The following FYB2 variants were observed in gnomAD, a reference collection of about 807,000 sequenced individuals.
FYB2 encodes the protein FYN binding protein 2.
A neutral mutation model predicts 94.1 loss-of-function variants in FYB2; 103 were observed. That is an observed-to-expected ratio of 1.09 (90% CI 0.93 to 1.29). The LOEUF is 1.29. Ranked by LOEUF, FYB2 falls within the 50% of genes most tolerant of loss-of-function variation. FYB2 has a pLI of 0.00. For synonymous variants in FYB2, 293 were observed against 287.9 expected, an observed-to-expected ratio of 1.02 and a Z score of -0.18; for missense variants, 896 against 841.5, an observed-to-expected ratio of 1.06 and a Z score of -0.80.
intron 15 of FYB2, among the ~76,000 whole-genome samples, chr1:56,728,563 G>C (rs1029550912): frequency 4.6e-5 from 7 of 152,062 alleles, no homozygotes; most frequent in African/African-American, 1.7e-4. Context: ...AGTTAGACAG[G>C]GCTTCTTAGA....
chr1:56,720,041 T>C lies in FYB2; in HGVS notation c.2146A>G (p.Ile716Val). Residue 716 changes from isoleucine to valine, a missense_variant, in exon 19 of 20, where the codon ATT becomes GTT. Physicochemically the swap from Ile to Val is conservative, Grantham distance 29. Transcript: ENST00000343433. The stretch of plus-strand genomic sequence containing the variant: ...GCTTACTTGAAATCTAGATGTTCAA[T>C]GAGCACATATCCATCTAATAGAAAC... Reference protein sequence around the residue: ...NSKGKYGYVLIEHLDFKHQSW... With the variant: ...NSKGKYGYVLVEHLDFKHQSW... 6.2e-7 allele frequency: 1 copy of C among 1,602,602 alleles called. No individual in the cohort carries two copies. Among genetic ancestry groups the C allele is most frequent in the Non-Finnish European group, 8.5e-7 (1 of 1,175,294 alleles).
intron 5 of FYB2, among the ~76,000 whole-genome samples, chr1:56,766,179 G>C (rs1266080557): frequency 6.6e-6 from 1 of 152,214 alleles, no homozygotes; most frequent in Non-Finnish European, 1.5e-5. Flanking sequence ...CCATACCGGA[G>C]CTGCTGAACC....
intron 11 of FYB2, among the ~76,000 whole-genome samples, chr1:56,743,018 G>C (rs1251328432): frequency 2.0e-5 from 3 of 151,896 alleles, no homozygotes; most frequent in South Asian, 2.1e-4. Context: ...ATAGTGGAAT[G>C]ACTAAGTCAA....
chr1:56,751,786 G>C (rs1403622237), intron 8 of FYB2, among the ~76,000 whole-genome samples: 1 of 152,064 alleles, frequency 6.6e-6, no homozygotes, highest in Non-Finnish European at 1.5e-5. Context: ...TAGAAGTAGA[G>C]ACAGAGTTTC....
intron 4 of FYB2, among the ~76,000 whole-genome samples, chr1:56,779,998 CTAATAA>C (rs1008563487): frequency 9.9e-5 from 15 of 152,056 alleles, no homozygotes; most frequent in African/African-American, 2.7e-4. Context: ...TATACTAATA[CTAATAA>C]TAATATTGCC....
At chr1:56,796,904 T>G (rs1008907198) in intron 1 of FYB2, among the ~76,000 whole-genome samples, 1 of 152,238 alleles carries the variant, frequency 6.6e-6, no homozygotes, top group Non-Finnish European at 1.5e-5. Context: ...GGTTGCCTAC[T>G]ATGCACTAGG....
At chr1:56,802,031 G>A (rs560443711) in intron 1 of FYB2, among the ~76,000 whole-genome samples, 1 of 152,306 alleles carries the variant, frequency 6.6e-6, no homozygotes, top group African/African-American at 2.4e-5. Flanking sequence ...AAGTGAAGGA[G>A]TTAGGATTTT....
intron 1 of FYB2, among the ~76,000 whole-genome samples, chr1:56,800,061 A>G (rs1423218101): frequency 4.6e-5 from 7 of 152,232 alleles, no homozygotes; most frequent in Non-Finnish European, 1.0e-4. Context: ...AACAATGGCA[A>G]CGTCAACAGC....
At chr1:56,766,153 T>G (rs1164919535) in intron 5 of FYB2, among the ~76,000 whole-genome samples, 2 of 152,198 alleles carry the variant, frequency 1.3e-5, no homozygotes, top group African/African-American at 4.8e-5. Flanking sequence ...TTGTTAGAAA[T>G]GCACAATCTC....
chr1:56,771,126 T>A (rs567029169), intron 4 of FYB2, among the ~76,000 whole-genome samples: 1 of 152,262 alleles, frequency 6.6e-6, no homozygotes. Context: ...TCTAAGTAAA[T>A]AGCTTTGAGA....
intron 9 of FYB2, among the ~76,000 whole-genome samples, chr1:56,750,560 A>G (rs1457277775): frequency 6.6e-6 from 1 of 152,004 alleles, no homozygotes; most frequent in Non-Finnish European, 1.5e-5. Context: ...AATCAAGGGT[A>G]CCGACTAACA....
upstream of FYB2, chr1:56,823,678 C>A (rs1647006411): frequency 1.3e-5 from 2 of 152,152 alleles, no homozygotes; most frequent in Admixed American, 1.3e-4. Context: ...AGACAAGTTG[C>A]TTTTCTTTTA....
At chr1:56,810,296 C>T (rs1186655404) in intron 1 of FYB2, among the ~76,000 whole-genome samples, 2 of 152,108 alleles carry the variant, frequency 1.3e-5, no homozygotes, top group Non-Finnish European at 2.9e-5. Flanking sequence ...CGGACATGAA[C>T]TCATTCCATG....
intron 4 of FYB2, among the ~76,000 whole-genome samples, chr1:56,770,475 G>A (rs892136368): frequency 6.6e-6 from 1 of 152,102 alleles, no homozygotes; most frequent in Non-Finnish European, 1.5e-5. Context: ...AAGAATAAGA[G>A]AAAATTTACT....
intron 4 of FYB2, among the ~76,000 whole-genome samples, chr1:56,772,638 G>C (rs1359599113): frequency 6.6e-6 from 1 of 152,214 alleles, no homozygotes; most frequent in East Asian, 1.9e-4. Flanking sequence ...CAGAATATGA[G>C]ACAGACCTGG....
chr1:56,785,784 G>T (rs1193050976), intron 4 of FYB2, among the ~76,000 whole-genome samples: 1 of 152,118 alleles, frequency 6.6e-6, no homozygotes, highest in Non-Finnish European at 1.5e-5. Context: ...CTGCAAATGT[G>T]CATCTTCAGT....
chr1:56,720,462 G>A, intron 17 of FYB2, 133 bp from the exon 18 acceptor site: 1 of 727,846 alleles, frequency 1.4e-6, no homozygotes. Flanking sequence ...AACACATACA[G>A]GAAGAGAAAA....
chr1:56,789,374 G>T (rs1646209145), intron 2 of FYB2, among the ~76,000 whole-genome samples: 1 of 152,114 alleles, frequency 6.6e-6, no homozygotes, highest in Non-Finnish European at 1.5e-5. Flanking sequence ...ACCCATCTGT[G>T]TTTCTAGATT....
At chr1:56,825,369 G>T in the FYB2 span, among the ~76,000 whole-genome samples, 1 of 152,134 alleles carries the variant, frequency 6.6e-6, no homozygotes, top group African/African-American at 2.4e-5. Context: ...GAACCTGGAA[G>T]CTCCACGCTT....
Sources: allele counts gnomAD v4.1 joint callset (sites outside exome capture counted in the v4.1 genomes callset), GRCh38; gene constraint gnomAD v4.1.1; transcripts MANE v1.5; gene names NCBI Gene and HGNC (gene_info 2026-07-23, HGNC 2026-07-21).